Variants in ADAMTSL1 observed in about 807,000 individuals in gnomAD.
The protein encoded by ADAMTSL1 is ADAMTS-like protein 1.
In ADAMTSL1, 126 loss-of-function variants were observed where a neutral mutation model predicts 201.8. That is an observed-to-expected ratio of 0.62 (90% confidence interval 0.54 to 0.72). The LOEUF is 0.72. ADAMTSL1 is among the 30% of genes least tolerant of loss of function. The pLI is 0.00. For synonymous variants in ADAMTSL1, 1,121 were observed against 903.4 expected (o/e 1.24, Z -4.32); for missense variants, 2,679 against 2,277.8 (o/e 1.18, Z -3.59).
chr9:18,396,380 C>G (rs540214602), intron 2 of ADAMTSL1, among the ~76,000 whole-genome samples: 13 of 151,902 alleles, frequency 8.6e-5, no homozygotes, highest in Middle Eastern at 3.4e-3. Context: ...AAATCTAAGT[C>G]TCTTGTGCTG....
intron 2 of ADAMTSL1, among the ~76,000 whole-genome samples, chr9:18,304,699 C>G (rs1227694687): frequency 6.6e-6 from 1 of 151,392 alleles, no homozygotes; most frequent in Non-Finnish European, 1.5e-5. Flanking sequence ...AAAACTTCCT[C>G]TCTAATGAAT....
intron 4 of ADAMTSL1, among the ~76,000 whole-genome samples, chr9:18,587,196 A>G (rs1023282277): frequency 3.3e-5 from 5 of 152,210 alleles, no homozygotes; most frequent in Non-Finnish European, 7.3e-5. Context: ...TTTGCAAACT[A>G]TGCAACTGAC....
chr9:18,008,557 G>A (rs1185458058), intron 1 of ADAMTSL1, among the ~76,000 whole-genome samples: 2 of 151,914 alleles, frequency 1.3e-5, no homozygotes, highest in Non-Finnish European at 1.5e-5. Flanking sequence ...AATTACTCAT[G>A]CAGAAGGAGC....
chr9:18,308,679 T>C (rs919986038), intron 2 of ADAMTSL1, among the ~76,000 whole-genome samples: 2 of 152,126 alleles, frequency 1.3e-5, no homozygotes, highest in African/African-American at 4.8e-5. Flanking sequence ...AGTTCTGCAA[T>C]TGAGGCAGTA....
Position 18,574,015 on chromosome 9 carries a change from C to T in ADAMTSL1, c.238-15C>T, listed in dbSNP as rs41302063. The T allele has an allele frequency of 9.7e-3, 15,580 of 1,607,298 alleles. 113 individuals are homozygous for T. Among genetic ancestry groups the T allele is most frequent in the Middle Eastern group, 0.017 (104 of 6,038 alleles). ...CTCCTAACCTTTGTATGTCCTTTCT[C>T]TCTTTTTTCTCCAGGACTGCCCACC... On this transcript the variant is annotated splice_polypyrimidine_tract_variant and intron_variant, in intron 3 of 28. Transcript: ENST00000380548.
rs375311383 is a variant in ADAMTSL1 at position 18,830,597 on chromosome 9, G to C, written c.4249+620G>C. ...ATGGGTAGTGCCCTCTGGTAGCAAG[G>C]AGTTGTACGAGGGCATTCAAGTCCT... On this transcript the variant is annotated intron_variant, in intron 23 of 28. Transcript: ENST00000380548. Among the ~76,000 whole-genome samples, 12 of 152,186 alleles carry C rather than the reference G, an allele frequency of 7.9e-5. No homozygotes were observed. In the East Asian group the frequency reaches 2.3e-3, roughly 29 times the overall value.
At position 17,994,784 on chromosome 9, in the gene ADAMTSL1, G is replaced by T. The variant is rs540859359; in HGVS notation, c.87+87862G>T. On this transcript the variant is annotated intron_variant, in intron 1 of 29. Coordinates refer to the ADAMTSL1 transcript ENST00000680146. ...AAGTCCAGGCACAGGCTCTTTTCTA[G>T]GTAGACAGGAATGTTTATTTAAACA... 2.0e-5 allele frequency among the ~76,000 whole-genome samples: 3 copies of T among 152,196 alleles called. 1 individual carries two copies. The South Asian group carries it at 6.2e-4, about 32-fold the overall frequency.
At chr9:18,274,767 T>C (rs1832521388) in intron 2 of ADAMTSL1, among the ~76,000 whole-genome samples, 1 of 152,184 alleles carries the variant, frequency 6.6e-6, no homozygotes, top group Admixed American at 6.5e-5. Flanking sequence ...TAAAAGATAG[T>C]AAGTAAATGT....
chr9:18,370,332 G>A (rs1260801638), intron 2 of ADAMTSL1, among the ~76,000 whole-genome samples: 1 of 151,812 alleles, frequency 6.6e-6, no homozygotes, highest in Admixed American at 6.6e-5. Flanking sequence ...GAATGGATGA[G>A]GGTTGAAAAA....
At chr9:18,892,214 G>T (rs571057468) in intron 25 of ADAMTSL1, among the ~76,000 whole-genome samples, 175 bp from the exon 26 acceptor site, 19 of 152,354 alleles carry the variant, frequency 1.2e-4, no homozygotes, top group Non-Finnish European at 2.2e-4. Flanking sequence ...ATTTGACATG[G>T]ATATCTTTTG....
At chr9:18,693,417 T>C (rs1365049287) in intron 13 of ADAMTSL1, among the ~76,000 whole-genome samples, 1 of 152,240 alleles carries the variant, frequency 6.6e-6, no homozygotes, top group African/African-American at 2.4e-5. Context: ...AAGCCCACTG[T>C]GGCTGCTCAG....
rs143130328 is a variant in ADAMTSL1, at chr9:18,200,203, G to A, written c.207+36222G>A. Among the ~76,000 whole-genome samples, 758 of 152,082 alleles carry A rather than the reference G, an allele frequency of 5.0e-3. 5 individuals carry two copies. Among genetic ancestry groups the A allele is most frequent in the African/African-American group, 0.017 (708 of 41,504 alleles). On this transcript the variant is annotated intron_variant, in intron 2 of 29. Transcript: ENST00000680146. Reference sequence around the variant, plus strand: ...AATCCCAGCATTTCGGGAGGCTGAAGCTGGAAGATCACTTGAGATCAAGAG... The same window carrying A: ...AATCCCAGCATTTCGGGAGGCTGAAACTGGAAGATCACTTGAGATCAAGAG...
intron 2 of ADAMTSL1, among the ~76,000 whole-genome samples, chr9:18,219,048 A>G: frequency 6.6e-6 from 1 of 151,734 alleles, no homozygotes; most frequent in East Asian, 1.9e-4. Flanking sequence ...AATATGTATG[A>G]ATATATATAT....
At chr9:17,930,324 G>A (rs1826726820) in intron 1 of ADAMTSL1, among the ~76,000 whole-genome samples, 1 of 152,122 alleles carries the variant, frequency 6.6e-6, no homozygotes, top group Admixed American at 6.6e-5. Context: ...TGGGGGAAGG[G>A]AATGTTGAGA....
chr9:18,378,770 C>T (rs112104069), intron 2 of ADAMTSL1, among the ~76,000 whole-genome samples: 74 of 152,144 alleles, frequency 4.9e-4, no homozygotes, highest in African/African-American at 1.7e-3. Flanking sequence ...CCTCTCTGGT[C>T]ATGTCATCCT....
intron 14 of ADAMTSL1, among the ~76,000 whole-genome samples, chr9:18,720,698 G>A (rs1219905591): frequency 6.6e-6 from 1 of 152,116 alleles, no homozygotes; most frequent in African/African-American, 2.4e-5. Context: ...CAGGAGAATC[G>A]CTTGAACCCG....
At chr9:18,887,566 T>C (rs575080288) in intron 23 of ADAMTSL1, among the ~76,000 whole-genome samples, 1 of 152,336 alleles carries the variant, frequency 6.6e-6, no homozygotes, top group South Asian at 2.1e-4. Context: ...TTTTTAAAGT[T>C]AGTATAGGGA....
chr9:17,952,364 G>C (rs1827759530), intron 1 of ADAMTSL1, among the ~76,000 whole-genome samples: 1 of 151,898 alleles, frequency 6.6e-6, no homozygotes, highest in African/African-American at 2.4e-5. Context: ...TTAACTTACA[G>C]GCCTTTAATC....
At chr9:17,957,605 T>A (rs747887984) in intron 1 of ADAMTSL1, among the ~76,000 whole-genome samples, 5 of 152,204 alleles carry the variant, frequency 3.3e-5, no homozygotes, top group Non-Finnish European at 7.3e-5. Flanking sequence ...CCCACTGTAG[T>A]GGGTTGAATA....
Sources: gnomAD v4.1 joint callset for allele counts (sites outside exome capture counted in the v4.1 genomes callset) on GRCh38, gnomAD v4.1.1 for gene constraint, MANE v1.5 for transcripts, NCBI Gene and HGNC (gene_info 2026-07-23, HGNC 2026-07-21) for gene names.